The following CACNA2D1 variants were observed in gnomAD, a reference collection of about 807,000 sequenced individuals.
CACNA2D1 encodes voltage-dependent calcium channel subunit alpha-2/delta-1.
A neutral mutation model predicts 171.5 loss-of-function variants in CACNA2D1; 53 were observed. The observed-to-expected ratio is 0.31, with a 90% CI of 0.25 to 0.39. CACNA2D1 has a LOEUF of 0.39. Ranked by LOEUF, CACNA2D1 falls within the 10% of genes least tolerant of loss-of-function variation. The pLI is 1.00. For missense variants in CACNA2D1, 903 were observed against 1,299.8 expected (o/e 0.69, Z 4.69); for synonymous variants, 442 against 443.1 (o/e 1.00, Z 0.03).
intron 3 of CACNA2D1, among the ~76,000 whole-genome samples, chr7:82,262,106 C>A (rs1302791736): frequency 6.6e-6 from 1 of 152,136 alleles, no homozygotes; most frequent in Non-Finnish European, 1.5e-5. Flanking sequence ...CCGAGGCGGG[C>A]AGATCACGAG....
rs551285790 is a variant in CACNA2D1 at position 82,326,546 on chromosome 7, G to C, written c.294+8589C>G. 1.4e-4 allele frequency among the ~76,000 whole-genome samples: 21 copies of C among 152,300 alleles called. 1 individual carries two copies. The South Asian group carries it at 4.3e-3, about 32-fold the overall frequency. On this transcript the variant is annotated intron_variant, in intron 3 of 38. Transcript: ENST00000356860. ...AAATATATGGAAAGTGCCTAGCAAAGCATCTGGACCATAGCAGACAGTCAG... is the reference window on the plus strand; with the variant it reads ...AAATATATGGAAAGTGCCTAGCAAACCATCTGGACCATAGCAGACAGTCAG...
intron 1 of CACNA2D1, among the ~76,000 whole-genome samples, chr7:82,399,518 A>G (rs1826118206): frequency 6.6e-6 from 1 of 152,190 alleles, no homozygotes; most frequent in East Asian, 1.9e-4. Flanking sequence ...AAAACAATTT[A>G]GAAAAAAAGT....
intron 21 of CACNA2D1, among the ~76,000 whole-genome samples, chr7:81,988,669 CTA>C (rs372159488): frequency 9.9e-5 from 15 of 152,268 alleles, no homozygotes; most frequent in African/African-American, 3.1e-4. Context: ...CTGTACACCA[CTA>C]TATGAATTTG....
chr7:81,977,061 T>C (rs1788671014), intron 24 of CACNA2D1, among the ~76,000 whole-genome samples: 2 of 152,140 alleles, frequency 1.3e-5, no homozygotes. Flanking sequence ...CTTGCCTGAT[T>C]GCCCTGGCCA....
intron 6 of CACNA2D1, among the ~76,000 whole-genome samples, chr7:82,111,444 ATTTT>A (rs869125211): frequency 3.4e-4 from 24 of 69,950 alleles, no homozygotes; most frequent in East Asian, 1.4e-3. Context: ...ATATATATAT[ATTTT>A]TTTTTTTTTT....
chr7:82,126,487 A>G (rs565321631), intron 5 of CACNA2D1, among the ~76,000 whole-genome samples: 39 of 152,340 alleles, frequency 2.6e-4, no homozygotes, highest in African/African-American at 8.9e-4. Flanking sequence ...TGAATGATGT[A>G]GGCTCTTTGG....
At position 82,022,222 on chromosome 7, in the gene CACNA2D1, AACACAC is replaced by A. The variant is rs71520795; in HGVS notation, c.1144-7749_1144-7744del. ...GTAAATAAATGTTATCAGAGACAAG[AACACAC>A]ACACACACACACACACACACACACG... On this transcript the variant is annotated intron_variant, in intron 12 of 38. Transcript: ENST00000356860. Among the ~76,000 whole-genome samples the A allele has an allele frequency of 4.2e-3, 612 of 145,870 alleles. 12 individuals carry two copies. Among genetic ancestry groups the A allele is most frequent in the Admixed American group, 0.032 (467 of 14,450 alleles).
chr7:82,395,240 T>C (rs1351620002), intron 1 of CACNA2D1, among the ~76,000 whole-genome samples: 2 of 151,918 alleles, frequency 1.3e-5, no homozygotes, highest in Non-Finnish European at 2.9e-5. Context: ...ATGGAATGTA[T>C]GATATGATGG....
chr7:82,216,636 A>G (rs547569957), intron 3 of CACNA2D1, among the ~76,000 whole-genome samples: 7 of 152,260 alleles, frequency 4.6e-5, no homozygotes, highest in Admixed American at 3.3e-4. Context: ...AGCTTAAAGC[A>G]TCACCATAAT....
chr7:82,029,353 T>C (rs1488242536), intron 12 of CACNA2D1: 1 of 151,766 alleles, frequency 6.6e-6, no homozygotes, highest in Non-Finnish European at 1.5e-5. Context: ...ATAACTTTTA[T>C]ACACAATGGG....
chr7:82,123,133 C>T (rs990330719), intron 5 of CACNA2D1, among the ~76,000 whole-genome samples: 2 of 152,138 alleles, frequency 1.3e-5, no homozygotes, highest in Non-Finnish European at 2.9e-5. Flanking sequence ...TATATCAGGA[C>T]AGGCTTGAAA....
At chr7:82,055,930 G>GTATATATATATATATATACATATATATA (rs58786082) in intron 10 of CACNA2D1, among the ~76,000 whole-genome samples, 1 of 111,476 alleles carries the variant, frequency 9.0e-6, no homozygotes, top group African/African-American at 3.6e-5. Context: ...GTGTGTGTGT[G>GTATATATATATATATATACATATATATA]TATATATATA....
intron 19 of CACNA2D1, among the ~76,000 whole-genome samples, chr7:81,995,378 G>C (rs1384947199): frequency 6.6e-6 from 1 of 152,056 alleles, no homozygotes; most frequent in African/African-American, 2.4e-5. Flanking sequence ...ACACTTTTTA[G>C]TTTGTAATTC....
intron 1 of CACNA2D1, among the ~76,000 whole-genome samples, chr7:82,405,488 A>G (rs1826929035): frequency 2.0e-5 from 3 of 152,186 alleles, no homozygotes; most frequent in Admixed American, 2.0e-4. Context: ...AAAAATTAAC[A>G]CTGATCTTAC....
At chr7:82,151,358 G>C (rs906384973) in intron 4 of CACNA2D1, among the ~76,000 whole-genome samples, 1 of 152,054 alleles carries the variant, frequency 6.6e-6, no homozygotes, top group African/African-American at 2.4e-5. Flanking sequence ...TACAGACAAA[G>C]TTGTACCAAG....
intron 3 of CACNA2D1, among the ~76,000 whole-genome samples, chr7:82,215,050 C>T (rs1463448788): frequency 6.6e-6 from 1 of 152,162 alleles, no homozygotes; most frequent in Admixed American, 6.5e-5. Context: ...GAGAAATTGA[C>T]CCTCCTGGTC....
intron 4 of CACNA2D1, among the ~76,000 whole-genome samples, chr7:82,147,170 G>A (rs1793244347): frequency 6.6e-6 from 1 of 151,814 alleles, no homozygotes; most frequent in Non-Finnish European, 1.5e-5. Flanking sequence ...AGGAAATCAA[G>A]GAGAAATTCC....
rs75823159 is a variant in CACNA2D1, at chr7:82,315,164, C to A, written c.294+19971G>T. On this transcript the variant is annotated intron_variant, in intron 3 of 38. Transcript: ENST00000356860. ...AACAACAACAAAAAAAAGGAAATAA[C>A]GTGTCGTGTCTCTTAAAGTTGTATC... is the stretch of plus-strand genomic sequence containing the variant. Among the ~76,000 whole-genome samples the A allele has an allele frequency of 7.1e-3, 1,075 of 151,796 alleles. 10 individuals carry two copies. Among genetic ancestry groups the A allele is most frequent in the African/African-American group, 0.024 (1,008 of 41,376 alleles).
chr7:82,238,286 G>A (rs1281082410), intron 3 of CACNA2D1, among the ~76,000 whole-genome samples: 1 of 151,872 alleles, frequency 6.6e-6, no homozygotes, highest in African/African-American at 2.4e-5. Flanking sequence ...TATTTTTGAC[G>A]CCTCAATTTG....
Sources: allele counts gnomAD v4.1 joint callset (sites outside exome capture counted in the v4.1 genomes callset), GRCh38; gene constraint gnomAD v4.1.1; transcripts MANE v1.5; gene names NCBI Gene and HGNC (gene_info 2026-07-23, HGNC 2026-07-21).